The following METTL15 variants were observed in gnomAD, a reference collection of about 807,000 sequenced individuals.
The protein encoded by METTL15 is methyltransferase 15, mitochondrial 12S rRNA N4-cytidine, also known as 12S rRNA N(4)-cytidine methyltransferase METTL15.
In METTL15, 34 loss-of-function variants were observed where a neutral mutation model predicts 38.3. The observed-to-expected ratio is 0.89, with a 90% CI of 0.68 to 1.18. The LOEUF (loss-of-function observed/expected upper bound fraction) is 1.18, where lower values mean the gene tolerates loss of function less well. Among genes scored for constraint, METTL15 ranks in the 50% most tolerant of loss-of-function variants. METTL15 has a pLI of 0.00. For synonymous variants in METTL15, 162 were observed against 170.9 expected (o/e 0.95, Z 0.41); for missense variants, 438 against 498.4 (o/e 0.88, Z 1.15).
chr11:28,330,699 A>G lies in METTL15; in HGVS notation c.1082A>G (p.Glu361Gly), dbSNP rs1486276968. Residue 361 changes from glutamate (E) to glycine (G), a missense_variant, in exon 7 of 7, where the codon GAA becomes GGA. Physicochemically the swap from Glu to Gly is moderately conservative, Grantham distance 98. Coordinates refer to ENST00000407364, the MANE Select transcript of METTL15 (RefSeq NM_001113528.2). ...MKTSQLGSDH[E>G]NTEEVSMRRA... is the part of the protein sequence containing the mutation. ...ACATCTCAATTGGGTTCAGATCACGAAAACACGGAAGAAGTCTCTATGAGA... is the reference window on the plus strand; with the variant it reads ...ACATCTCAATTGGGTTCAGATCACGGAAACACGGAAGAAGTCTCTATGAGA... The G allele has an allele frequency of 8.4e-6, 13 of 1,551,422 alleles. No individual in the cohort carries two copies. The highest frequency in any genetic ancestry group is 1.1e-5 in the Non-Finnish European group (13 of 1,146,820).
chr11:28,330,659 C>A lies in METTL15; in HGVS notation c.1042C>A (p.Gln348Lys). 1.9e-6 allele frequency: 3 copies of A among 1,551,378 alleles called. No individual in the cohort carries two copies. The South Asian group carries it at 3.6e-5, about 18-fold the overall frequency. ...MTERFNLSVR[Q>K]QVMKTSQLGS... is the part of the protein sequence containing the mutation. ...AGAAAGATTTAACCTAAGTGTTAGA[C>A]AACAAGTGATGAAAACATCTCAATT... The change falls in exon 7 of 7, where the codon CAA becomes AAA. Residue 348 changes from glutamine to lysine, a missense_variant. Physicochemically the swap from Gln to Lys is moderately conservative, Grantham distance 53. Transcript: ENST00000407364.
rs778486872 is a variant in METTL15 at position 28,134,385 on chromosome 11, C to CT, written c.270+20781_270+20782insT. Among the ~76,000 whole-genome samples the CT allele has an allele frequency of 3.3e-5, 5 of 152,244 alleles. No individual in the cohort carries two copies. The South Asian group carries it at 8.3e-4, about 25-fold the overall frequency. ...TCCTGGTAGCTCCACCCCATTCCCC[C>CT]GTGCGTATGTGGGCTCTTAGTTGGC... On this transcript the variant is annotated intron_variant, in intron 3 of 6. Coordinates refer to ENST00000407364, the MANE Select transcript of METTL15 (RefSeq NM_001113528.2).
intron 6 of METTL15, among the ~76,000 whole-genome samples, chr11:28,515,287 C>A (rs1181170923): frequency 1.3e-5 from 2 of 152,128 alleles, no homozygotes; most frequent in Non-Finnish European, 2.9e-5. Flanking sequence ...AACTTATAAA[C>A]CTTGTACTAG....
At chr11:28,308,737 C>T (rs764706920) in intron 6 of METTL15, among the ~76,000 whole-genome samples, 1 of 151,974 alleles carries the variant, frequency 6.6e-6, no homozygotes, top group Non-Finnish European at 1.5e-5. Context: ...AGCATGATAA[C>T]GTTTAGTTTC....
chr11:28,398,356 T>A (rs1023797684), intron 5 of METTL15, among the ~76,000 whole-genome samples: 1 of 152,152 alleles, frequency 6.6e-6, no homozygotes, highest in Non-Finnish European at 1.5e-5. Flanking sequence ...CTGACTTTTT[T>A]AATGATCACC....
chr11:28,257,324 C>A (rs971203142), intron 4 of METTL15, among the ~76,000 whole-genome samples: 2 of 152,054 alleles, frequency 1.3e-5, no homozygotes, highest in African/African-American at 4.8e-5. Context: ...TTTTTAAAAT[C>A]TTTGTCCTTT....
intron 5 of METTL15, among the ~76,000 whole-genome samples, chr11:28,377,675 T>C (rs905760635): frequency 1.3e-5 from 2 of 152,238 alleles, no homozygotes; most frequent in Non-Finnish European, 2.9e-5. Flanking sequence ...AGTCATTCTC[T>C]GTCCAGCTTT....
chr11:28,494,416 G>T (rs1353972142), intron 6 of METTL15, among the ~76,000 whole-genome samples: 3 of 152,156 alleles, frequency 2.0e-5, no homozygotes, highest in Non-Finnish European at 4.4e-5. Flanking sequence ...TCCCCATTCA[G>T]TGTAGTATGG....
At chr11:28,186,748 C>T (rs1047057418) in intron 3 of METTL15, among the ~76,000 whole-genome samples, 4 of 150,864 alleles carry the variant, frequency 2.7e-5, no homozygotes, top group African/African-American at 9.7e-5. Flanking sequence ...ATTTTACCAG[C>T]CACTATTGTA....
At chr11:28,472,588 G>T (rs147369474) in intron 6 of METTL15, among the ~76,000 whole-genome samples, 2 of 152,064 alleles carry the variant, frequency 1.3e-5, no homozygotes, top group Non-Finnish European at 2.9e-5. Flanking sequence ...TATGTGGATT[G>T]GACTTTATAT....
chr11:28,381,724 T>C (rs2133385277), intron 5 of METTL15, among the ~76,000 whole-genome samples: 1 of 152,294 alleles, frequency 6.6e-6, no homozygotes, highest in East Asian at 1.9e-4. Flanking sequence ...ATTGTTTTAA[T>C]CTCTTTGTTA....
At chr11:28,394,945 G>C (rs1217439363) in intron 5 of METTL15, among the ~76,000 whole-genome samples, 1 of 152,022 alleles carries the variant, frequency 6.6e-6, no homozygotes, top group African/African-American at 2.4e-5. Context: ...TCATATTTAA[G>C]ATGCCACAAT....
At chr11:28,195,975 A>G (rs1851893869) in intron 3 of METTL15, among the ~76,000 whole-genome samples, 1 of 151,754 alleles carries the variant, frequency 6.6e-6, no homozygotes, top group African/African-American at 2.4e-5. Flanking sequence ...CCCAGTTTAC[A>G]TTTTTGTCTG....
At chr11:28,289,689 A>G (rs1398900703) in intron 4 of METTL15, among the ~76,000 whole-genome samples, 1 of 152,180 alleles carries the variant, frequency 6.6e-6, no homozygotes, top group East Asian at 1.9e-4. Flanking sequence ...TTTTAGTCAT[A>G]GTTTCATTCC....
chr11:28,529,274 G>C (rs981749996), downstream of METTL15, among the ~76,000 whole-genome samples: 1 of 152,070 alleles, frequency 6.6e-6, no homozygotes, highest in Non-Finnish European at 1.5e-5. Flanking sequence ...GTCAGCCTCT[G>C]GTTTTTCTAG....
intron 6 of METTL15, among the ~76,000 whole-genome samples, chr11:28,455,458 G>A (rs147951234): frequency 7.2e-5 from 11 of 151,970 alleles, no homozygotes; most frequent in African/African-American, 2.2e-4. Context: ...TGTGTCTTGC[G>A]TCTGTAAAAA....
At position 28,217,408 on chromosome 11, in the gene METTL15, TG is replaced by T. The variant is rs1432202703; in HGVS notation, c.407+6211del. 3.9e-5 allele frequency among the ~76,000 whole-genome samples: 6 copies of T among 152,198 alleles called. No homozygotes were observed. The South Asian group carries it at 6.2e-4, about 16-fold the overall frequency. On this transcript the variant is annotated intron_variant, in intron 4 of 6. Coordinates refer to ENST00000407364, the MANE Select transcript of METTL15 (RefSeq NM_001113528.2). The stretch of plus-strand genomic sequence containing the variant: ...TCCTTTGCCCACTTGTTGAAGGGGT[TG>T]TTTTTTTCTTGTAAATTTGTTGGAG...
chr11:28,177,007 A>G (rs1453174177), intron 3 of METTL15, among the ~76,000 whole-genome samples: 3 of 152,052 alleles, frequency 2.0e-5, no homozygotes, highest in South Asian at 2.1e-4. Context: ...CCTTTCTTTT[A>G]TAAATATAAT....
At chr11:28,323,249 G>A (rs989223203) in intron 6 of METTL15, among the ~76,000 whole-genome samples, 62 of 151,414 alleles carry the variant, frequency 4.1e-4, no homozygotes, top group Admixed American at 1.7e-3. Flanking sequence ...AAGTACAAAT[G>A]TAGTCATTCT....
Sources: gnomAD v4.1 joint callset for allele counts (sites outside exome capture counted in the v4.1 genomes callset) on GRCh38, gnomAD v4.1.1 for gene constraint, MANE v1.5 for transcripts, NCBI Gene and HGNC (gene_info 2026-07-23, HGNC 2026-07-21) for gene names.